Variants in GRID2 observed in about 807,000 individuals in gnomAD.
GRID2 encodes glutamate receptor ionotropic, delta-2.
GRID2 carries 33 observed loss-of-function variants against 114.8 expected under a neutral mutation model. That is an observed-to-expected ratio of 0.29 (90% CI 0.22 to 0.38). GRID2 has a LOEUF of 0.38. Among genes scored for constraint, GRID2 ranks in the 10% least tolerant of loss-of-function variants. GRID2 has a pLI of 1.00. For synonymous variants in GRID2, 505 were observed against 449.9 expected (o/e 1.12, Z -1.55); for missense variants, 1,184 against 1,257.7 (o/e 0.94, Z 0.89).
intron 8 of GRID2, among the ~76,000 whole-genome samples, chr4:93,391,365 G>A (rs1386797073): frequency 2.0e-4 from 30 of 152,230 alleles, no homozygotes; most frequent in East Asian, 5.8e-4. Flanking sequence ...CTAAGTGGCT[G>A]GCTTTTAAGC....
chr4:93,182,480 C>A (rs371527957), intron 4 of GRID2, among the ~76,000 whole-genome samples: 7 of 152,024 alleles, frequency 4.6e-5, no homozygotes, highest in African/African-American at 1.7e-4. Flanking sequence ...AGAGAGTGAT[C>A]AAAAATAGTC....
At chr4:92,316,494 G>A (rs553286932) in intron 1 of GRID2, among the ~76,000 whole-genome samples, 2 of 152,050 alleles carry the variant, frequency 1.3e-5, no homozygotes, top group South Asian at 4.2e-4. Flanking sequence ...ATCAATTTAG[G>A]GTTACATGAA....
At chr4:92,938,172 C>G (rs535483759) in intron 2 of GRID2, among the ~76,000 whole-genome samples, 2 of 146,176 alleles carry the variant, frequency 1.4e-5, no homozygotes, top group African/African-American at 4.9e-5. Context: ...GTTGAACCAC[C>G]CTGGTATTGC....
intron 8 of GRID2, among the ~76,000 whole-genome samples, chr4:93,250,201 C>T (rs532652609): frequency 2.2e-4 from 33 of 152,112 alleles, no homozygotes; most frequent in African/African-American, 7.0e-4. Context: ...TGTAGGGACA[C>T]GGATGAAGCT....
At chr4:93,250,452 A>C (rs1748745961) in intron 8 of GRID2, among the ~76,000 whole-genome samples, 1 of 151,766 alleles carries the variant, frequency 6.6e-6, no homozygotes, top group Admixed American at 6.6e-5. Context: ...TATGTAACAA[A>C]CCTGCAAGTT....
chr4:93,560,695 G>T (rs1195466411), intron 13 of GRID2, among the ~76,000 whole-genome samples: 1 of 152,046 alleles, frequency 6.6e-6, no homozygotes, highest in Admixed American at 6.6e-5. Context: ...TCCCAGGCTG[G>T]TCTCAGATTC....
At chr4:92,515,864 A>C (rs1449809996) in intron 1 of GRID2, among the ~76,000 whole-genome samples, 1 of 151,948 alleles carries the variant, frequency 6.6e-6, no homozygotes, top group East Asian at 1.9e-4. Flanking sequence ...AATTATTCTG[A>C]CACTAGTTTC....
At chr4:92,341,216 A>G (rs531996686) in intron 1 of GRID2, among the ~76,000 whole-genome samples, 25 of 152,076 alleles carry the variant, frequency 1.6e-4, no homozygotes, top group Non-Finnish European at 3.2e-4. Flanking sequence ...AGGTTAGAAA[A>G]TCTTATCAGT....
chr4:92,767,009 A>G (rs953251689), intron 2 of GRID2, among the ~76,000 whole-genome samples: 7 of 152,182 alleles, frequency 4.6e-5, no homozygotes, highest in African/African-American at 1.7e-4. Context: ...TTTGGTAATC[A>G]TCCACCTTCC....
At chr4:92,911,939 T>C (rs1245823652) in intron 2 of GRID2, among the ~76,000 whole-genome samples, 2 of 151,886 alleles carry the variant, frequency 1.3e-5, no homozygotes, top group Admixed American at 6.6e-5. Flanking sequence ...CAGTTTTTCC[T>C]GTTTATGGCT....
chr4:92,470,315 A>T (rs1721972836), intron 1 of GRID2, among the ~76,000 whole-genome samples: 1 of 151,928 alleles, frequency 6.6e-6, no homozygotes, highest in Non-Finnish European at 1.5e-5. Context: ...CAAAGGGCGT[A>T]AAACATATAA....
At position 92,943,347 on chromosome 4, in the gene GRID2, A is replaced by T. The variant is rs529380564; in HGVS notation, c.245-141648A>T. On this transcript the variant is annotated intron_variant, in intron 2 of 15. Coordinates refer to ENST00000282020, the MANE Select transcript of GRID2 (RefSeq NM_001510.4). ...ATTCATTTCATCTTCCATCACTGAT[A>T]CCCTTTCTTCCAGTTGATCGCGTCG... Among the ~76,000 whole-genome samples, 7 of 152,168 alleles carry T rather than the reference A, an allele frequency of 4.6e-5. No individual in the cohort carries two copies. The South Asian group carries it at 1.5e-3, about 32-fold the overall frequency.
At chr4:93,322,051 T>TTTTTTTC (rs1198750674) in intron 8 of GRID2, among the ~76,000 whole-genome samples, 3 of 151,984 alleles carry the variant, frequency 2.0e-5, no homozygotes, top group Non-Finnish European at 2.9e-5. Flanking sequence ...TTTTTTTCTT[T>TTTTTTTC]TTTTTATTAT....
intron 8 of GRID2, among the ~76,000 whole-genome samples, chr4:93,379,696 A>G (rs1274661994): frequency 6.6e-6 from 1 of 152,176 alleles, no homozygotes; most frequent in Non-Finnish European, 1.5e-5. Flanking sequence ...AAGATGATTC[A>G]GCCATCACAA....
chr4:92,828,072 A>C (rs1049377221), intron 2 of GRID2, among the ~76,000 whole-genome samples: 1 of 152,048 alleles, frequency 6.6e-6, no homozygotes, highest in Non-Finnish European at 1.5e-5. Flanking sequence ...ATCTCCAACT[A>C]AAAAGTCTGA....
At chr4:93,766,918 C>T (rs1334509123) in intron 14 of GRID2, among the ~76,000 whole-genome samples, 2 of 152,144 alleles carry the variant, frequency 1.3e-5, no homozygotes, top group African/African-American at 2.4e-5. Context: ...TTCCCTCTTG[C>T]ATAACTGAAG....
intron 1 of GRID2, among the ~76,000 whole-genome samples, chr4:93,791,165 A>G (rs1282247911): frequency 2.0e-5 from 3 of 152,176 alleles, no homozygotes; most frequent in Non-Finnish European, 4.4e-5. Context: ...TCACCCTGTT[A>G]TTTAGCAATT....
intron 1 of GRID2, among the ~76,000 whole-genome samples, chr4:92,557,356 T>C (rs992258190): frequency 6.6e-6 from 1 of 151,510 alleles, no homozygotes; most frequent in Non-Finnish European, 1.5e-5. Context: ...TTTGATATTT[T>C]ATTCTTAAGC....
Position 93,326,263 on chromosome 4 carries a change from A to G in GRID2, c.1246-69344A>G, listed in dbSNP as rs556617805. Among the ~76,000 whole-genome samples, 19 of 152,322 alleles carry G rather than the reference A, an allele frequency of 1.2e-4. No individual in the cohort carries two copies. The South Asian group carries it at 3.5e-3, about 28-fold the overall frequency. ...AAAATCACCCCATCATGGTTACGAT[A>G]CAGAGGTCCTGAATAACTTTTGTTA... is the stretch of plus-strand genomic sequence containing the variant. On this transcript the variant is annotated intron_variant, in intron 8 of 15. Coordinates refer to ENST00000282020, the MANE Select transcript of GRID2 (RefSeq NM_001510.4).
Sources: allele counts gnomAD v4.1 joint callset (sites outside exome capture counted in the v4.1 genomes callset), GRCh38; gene constraint gnomAD v4.1.1; transcripts MANE v1.5; gene names NCBI Gene and HGNC (gene_info 2026-07-23, HGNC 2026-07-21).